The following ACACA variants were observed in gnomAD, a reference collection of about 807,000 sequenced individuals.
The protein encoded by ACACA is acetyl-CoA carboxylase 1.
Under a neutral mutation model 296.1 loss-of-function variants are expected in ACACA, and 103 were observed. That is an observed-to-expected ratio of 0.35 (90% CI 0.30 to 0.41). The LOEUF is 0.41. Among genes scored for constraint, ACACA ranks in the 10% least tolerant of loss-of-function variants. The pLI is 1.00. For missense variants in ACACA, 1,554 were observed against 2,989.7 expected, an observed-to-expected ratio of 0.52 and a Z score of 11.20; for synonymous variants, 953 against 1,038.6, an observed-to-expected ratio of 0.92 and a Z score of 1.58.
intron 1 of ACACA, among the ~76,000 whole-genome samples, chr17:37,351,407 G>A (rs2048898333): frequency 6.6e-6 from 1 of 152,208 alleles, no homozygotes; most frequent in African/African-American, 2.4e-5. Context: ...AGGTTGCAGT[G>A]AGTCAAGATC....
At position 37,242,046 on chromosome 17, in the gene ACACA, T is replaced by C. The variant is rs2080438475; in HGVS notation, c.2939A>G (p.Asn980Ser). The change falls in exon 23 of 56, where the codon AAC becomes AGC. Residue 980 changes from asparagine (N) to serine (S), a missense_variant. Asn to Ser is a conservative substitution (Grantham distance 46, BLOSUM62 1). Transcript: ENST00000616317. ...TGTAGCTGCATGGCTATCTAGGATGTTTGCAATCTAAGGTATAAAAAAGGG... is the reference window on the plus strand; with the variant it reads ...TGTAGCTGCATGGCTATCTAGGATGCTTGCAATCTAAGGTATAAAAAAGGG... ...LCQFPSQQIANILDSHAATLN... is the reference protein window; with the variant it reads ...LCQFPSQQIASILDSHAATLN... 2 of 1,613,572 alleles carry C rather than the reference T, an allele frequency of 1.2e-6. No individual in the cohort carries two copies. The highest frequency in any genetic ancestry group is 1.1e-5 in the South Asian group (1 of 91,064).
At chr17:37,213,038 C>A (rs1234838135) in intron 29 of ACACA, among the ~76,000 whole-genome samples, 3 of 151,926 alleles carry the variant, frequency 2.0e-5, no homozygotes, top group Non-Finnish European at 4.4e-5. Flanking sequence ...TCAAATTAGG[C>A]CGGGCGCAGT....
chr17:37,149,143 C>A (rs79893804), intron 45 of ACACA, among the ~76,000 whole-genome samples: 2 of 150,464 alleles, frequency 1.3e-5, no homozygotes, highest in Non-Finnish European at 1.5e-5. Flanking sequence ...CCATTTTTTT[C>A]CCCTTTGGAA....
chr17:37,382,408 C>T (rs1035229984), intron 1 of ACACA, among the ~76,000 whole-genome samples: 14 of 151,616 alleles, frequency 9.2e-5, no homozygotes, highest in African/African-American at 2.9e-4. Context: ...CTGGCAGTCC[C>T]CTAGATGCTA....
chr17:37,090,357 T>C (rs764392895), intron 54 of ACACA, among the ~76,000 whole-genome samples: 12 of 152,250 alleles, frequency 7.9e-5, no homozygotes, highest in African/African-American at 1.2e-4. Flanking sequence ...CGTCTCTGTT[T>C]CTAAAAATTA....
intron 35 of ACACA, among the ~76,000 whole-genome samples, chr17:37,196,606 A>G (rs577940852): frequency 2.6e-5 from 4 of 152,132 alleles, no homozygotes; most frequent in East Asian, 3.9e-4. Flanking sequence ...CTTTGCTGAA[A>G]AAAATATGGA....
intron 1 of ACACA, chr17:37,376,031 C>T (rs543408541): frequency 7.1e-7 from 1 of 1,411,926 alleles, no homozygotes; most frequent in East Asian, 2.3e-5. Flanking sequence ...AGAGGCAGAG[C>T]TATCAAGGGC....
intron 47 of ACACA, among the ~76,000 whole-genome samples, chr17:37,126,406 T>C (rs1222915040): frequency 6.6e-6 from 1 of 152,158 alleles, no homozygotes; most frequent in Non-Finnish European, 1.5e-5. Flanking sequence ...ATAGTAAAAA[T>C]ACAATGGTTA....
At chr17:37,310,583 C>T (rs1300568437) in intron 3 of ACACA, among the ~76,000 whole-genome samples, 2 of 151,752 alleles carry the variant, frequency 1.3e-5, no homozygotes, top group African/African-American at 2.4e-5. Flanking sequence ...CACCTGAGGT[C>T]AGGAGTCCAA....
intron 1 of ACACA, among the ~76,000 whole-genome samples, chr17:37,340,289 C>T (rs1175304488): frequency 6.6e-6 from 1 of 152,172 alleles, no homozygotes; most frequent in Non-Finnish European, 1.5e-5. Context: ...GACAGAGTGC[C>T]CATTATACTA....
intron 50 of ACACA, among the ~76,000 whole-genome samples, chr17:37,120,172 C>T (rs969939962): frequency 6.6e-6 from 1 of 151,860 alleles, no homozygotes; most frequent in Non-Finnish European, 1.5e-5. Flanking sequence ...GGATTACAGG[C>T]GTGAGCCACC....
At chr17:37,149,834 G>A (rs774179434) in intron 45 of ACACA, 30 bp downstream of exon 45, 6 of 1,556,784 alleles carry the variant, frequency 3.9e-6, no homozygotes, top group African/African-American at 2.7e-5. Flanking sequence ...AATCAGCTAT[G>A]CATACTTCTT....
At chr17:37,395,920 G>A (rs1162809458) in intron 1 of ACACA, among the ~76,000 whole-genome samples, 1 of 152,182 alleles carries the variant, frequency 6.6e-6, no homozygotes, top group African/African-American at 2.4e-5. Flanking sequence ...TAGTTGCTTA[G>A]GGCAAAGAAG....
At chr17:37,093,260 T>C (rs537672607) in intron 54 of ACACA, among the ~76,000 whole-genome samples, 1 of 152,046 alleles carries the variant, frequency 6.6e-6, no homozygotes, top group East Asian at 1.9e-4. Flanking sequence ...TAAGAGCGAG[T>C]GGGTAGCTGT....
intron 52 of ACACA, among the ~76,000 whole-genome samples, chr17:37,105,584 G>A (rs983922119): frequency 1.3e-5 from 2 of 151,910 alleles, no homozygotes; most frequent in Non-Finnish European, 2.9e-5. Flanking sequence ...AGCAATTTGC[G>A]CCAGGCACGG....
intron 5 of ACACA, among the ~76,000 whole-genome samples, chr17:37,282,884 A>T (rs112091241): frequency 0.026 from 3,902 of 152,308 alleles, 123 homozygotes; most frequent in African/African-American, 0.074. Flanking sequence ...TCTTAACCCA[A>T]AGTTTTTCTA....
intron 5 of ACACA, 101 bp downstream of exon 5, chr17:37,283,166 A>G: frequency 7.2e-7 from 1 of 1,397,314 alleles, no homozygotes; most frequent in Non-Finnish European, 1.0e-6. Flanking sequence ...TGGAAGTCCT[A>G]TGTTTGGGAA....
chr17:37,104,870 G>A (rs1220407669), intron 52 of ACACA, among the ~76,000 whole-genome samples: 1 of 150,262 alleles, frequency 6.7e-6, no homozygotes, highest in Non-Finnish European at 1.5e-5. Flanking sequence ...AGCCTGACAG[G>A]TCGAGGTGTG....
chr17:37,204,008 C>T (rs1018971016), intron 33 of ACACA, among the ~76,000 whole-genome samples: 1 of 152,164 alleles, frequency 6.6e-6, no homozygotes, highest in African/African-American at 2.4e-5. Flanking sequence ...ATAGTCATCA[C>T]AAATTTACCA....
Sources: allele counts gnomAD v4.1 joint callset (sites outside exome capture counted in the v4.1 genomes callset), GRCh38; gene constraint gnomAD v4.1.1; transcripts MANE v1.5; gene names NCBI Gene and HGNC (gene_info 2026-07-23, HGNC 2026-07-21).